The following TMEM259 variants were observed in gnomAD, a reference collection of about 807,000 sequenced individuals.
TMEM259 encodes the protein transmembrane protein 259, also known as membralin.
In TMEM259, 26 loss-of-function variants were observed where a neutral mutation model predicts 46.7. That is an observed-to-expected ratio of 0.56 (90% CI 0.41 to 0.77). The LOEUF is 0.77. Among genes scored for constraint, TMEM259 ranks in the 30% least tolerant of loss-of-function variants. The probability of loss-of-function intolerance (pLI) is 0.00; values close to 1 mark genes in which losing one functional copy is unlikely to be tolerated. For missense variants in TMEM259, 930 were observed against 900.5 expected, an observed-to-expected ratio of 1.03 and a Z score of -0.42; for synonymous variants, 494 against 395.1, an observed-to-expected ratio of 1.25 and a Z score of -2.97.
chr19:1,012,382 T>C (rs2240163), intron 4 of TMEM259, 81 bp downstream of exon 4: 874,265 of 1,517,574 alleles, frequency 0.58, 254,652 homozygotes, highest in African/African-American at 0.69. Flanking sequence ...CAGCCCCCCG[T>C]CCCGCACCAG....
intron 1 of TMEM259, among the ~76,000 whole-genome samples, chr19:1,019,944 G>T (rs930256082): frequency 6.6e-6 from 1 of 152,184 alleles, no homozygotes; most frequent in South Asian, 2.1e-4. Context: ...GAGGGAGTCA[G>T]GCCGATGCCT....
rs1406319880 is a variant in TMEM259, at chr19:1,010,905, GGAGA to G, written c.1318-14_1318-11del. Reference sequence around the variant, plus strand: ...AGTAGATCATGGAATGCTGCGGGAGGGAGAGTGGGAGTCAGGACGGGCCCGCCCC... The same window carrying G: ...AGTAGATCATGGAATGCTGCGGGAGGGTGGGAGTCAGGACGGGCCCGCCCC... On this transcript the variant is annotated splice_polypyrimidine_tract_variant and intron_variant, in intron 10 of 10. Transcript: ENST00000356663. The G allele has an allele frequency of 6.3e-7, 1 of 1,588,396 alleles. No individual in the cohort carries two copies.
At chr19:1,011,333 C>T in intron 9 of TMEM259, 34 bp downstream of exon 9, 2 of 1,555,132 alleles carry the variant, frequency 1.3e-6, no homozygotes, top group Non-Finnish European at 1.7e-6. Context: ...TGCCCACCAG[C>T]ACCCACTCCA....
At chr19:1,015,303 T>G (rs930119094) in intron 1 of TMEM259, among the ~76,000 whole-genome samples, 1 of 152,272 alleles carries the variant, frequency 6.6e-6, no homozygotes, top group Non-Finnish European at 1.5e-5. Flanking sequence ...CATCTGTGGT[T>G]GTCACAATTG....
Position 1,021,115 on chromosome 19 carries a change from C to G in TMEM259, c.-119G>C. On this transcript the variant is annotated 5_prime_UTR_variant, in exon 1 of 11. Coordinates refer to ENST00000356663, the MANE Select transcript of TMEM259 (RefSeq NM_001033026.2). ...CCTCCCGGCCGCCGCCGCCATCTTC[C>G]GCTTTCTCGTCCGGCTGCGGCGCTG... 8.9e-7 allele frequency: 1 copy of G among 1,128,418 alleles called. No individual in the cohort carries two copies. The highest frequency in any genetic ancestry group is 1.1e-6 in the Non-Finnish European group (1 of 895,818). 69.9% of individuals were successfully genotyped at this position (1,128,418 alleles called of 1,614,324 possible).
At chr19:1,013,209 G>T in intron 3 of TMEM259, 32 bp downstream of exon 3, 1 of 1,592,130 alleles carries the variant, frequency 6.3e-7, no homozygotes, top group Non-Finnish European at 8.6e-7. Context: ...AGGCAACCCC[G>T]TGAGGCAGTA....
In TMEM259 at chr19:1,010,200, G is replaced by T; in HGVS notation, c.*150C>A. ...ACCTCACACCAGGGGGAGGAAAGCC[G>T]CCTTCCGGGCAAACCCCACGAAACC... On this transcript the variant is annotated 3_prime_UTR_variant, in exon 11 of 11. Transcript: ENST00000356663. 1.3e-6 allele frequency: 1 copy of T among 740,990 alleles called. No individual in the cohort carries two copies. The highest frequency in any genetic ancestry group is 2.0e-6 in the Non-Finnish European group (1 of 494,964). The allele number at this position is 740,990 out of a possible 1,614,324, so 45.9% of individuals were successfully genotyped here.
intron 1 of TMEM259, among the ~76,000 whole-genome samples, chr19:1,016,182 C>G (rs764087464): frequency 1.0e-4 from 15 of 150,402 alleles, no homozygotes; most frequent in African/African-American, 3.2e-4. Flanking sequence ...CCACAGACGC[C>G]GGAGCTACAA....
In TMEM259 at chr19:1,010,179, C is replaced by T. The variant is rs2038852819; in HGVS notation, c.*171G>A. ...CGGGTACAAGCCTCGGGCGCGACCT[C>T]ACACCAGGGGGAGGAAAGCCGCCTT... On this transcript the variant is annotated 3_prime_UTR_variant, in exon 11 of 11. Coordinates refer to ENST00000356663, the MANE Select transcript of TMEM259 (RefSeq NM_001033026.2). 1.6e-6 allele frequency: 1 copy of T among 620,062 alleles called. No individual in the cohort carries two copies. The highest frequency in any genetic ancestry group is 2.5e-5 in the South Asian group (1 of 40,054). The allele number at this position is 620,062 out of a possible 1,614,324, so 38.4% of individuals were successfully genotyped here.
In TMEM259 at chr19:1,011,834, G is replaced by T. The variant is rs368276870; in HGVS notation, c.943-36C>A. ...CGCGCAGGAAGCGCTATGAGGGGCT[G>T]CGAGGGCCTGCTTGGCTCCCGCCCG... On this transcript the variant is annotated intron_variant, in intron 6 of 10. Transcript: ENST00000356663. 3,029 of 1,588,550 alleles carry T rather than the reference G, an allele frequency of 1.9e-3. 6 individuals are homozygous for T. Among genetic ancestry groups the T allele is most frequent in the Non-Finnish European group, 2.4e-3 (2,854 of 1,165,966 alleles).
intron 1 of TMEM259, among the ~76,000 whole-genome samples, chr19:1,018,324 C>T: frequency 6.6e-6 from 1 of 152,200 alleles, no homozygotes; most frequent in Non-Finnish European, 1.5e-5. Flanking sequence ...CTAAAGCCAC[C>T]CAGGCATGGA....
At chr19:1,012,377 C>T (rs2038963951) in intron 4 of TMEM259, 86 bp downstream of exon 4, 5 of 1,515,962 alleles carry the variant, frequency 3.3e-6, no homozygotes, top group Non-Finnish European at 4.4e-6. Flanking sequence ...CTGCACAGCC[C>T]CCCGTCCCGC....
chr19:1,018,197 G>T (rs1167372805), intron 1 of TMEM259, among the ~76,000 whole-genome samples: 1 of 152,168 alleles, frequency 6.6e-6, no homozygotes, highest in Non-Finnish European at 1.5e-5. Context: ...TGGGCTCAGG[G>T]CCATGAAGGC....
At position 1,011,468 on chromosome 19, in the gene TMEM259, G is replaced by A. The variant is rs371140781; in HGVS notation, c.1116C>T (p.Asn372=). 113 of 1,548,714 alleles carry A rather than the reference G, an allele frequency of 7.3e-5. No homozygotes were observed. The highest frequency in any genetic ancestry group is 1.1e-4 in the African/African-American group (8 of 72,636). ...TGATGTAGAAGGCGGTGGTGGTGTC[G>A]TTGAAGAACTCCGACATGATGGCCT... is the stretch of plus-strand genomic sequence containing the variant. The part of the protein sequence containing the change: ...GMEAIMSEFF[N]DTTTAFYIIL... The change falls in exon 9 of 11, where the codon AAC becomes AAT. Residue 372 remains asparagine (N), a synonymous_variant. Coordinates refer to ENST00000356663, the MANE Select transcript of TMEM259 (RefSeq NM_001033026.2).
Position 1,020,768 on chromosome 19 carries a change from T to C in TMEM259, c.225+4A>G. 7.6e-7 allele frequency: 1 copy of C among 1,319,854 alleles called. No individual in the cohort carries two copies. The highest frequency in any genetic ancestry group is 9.7e-7 in the Non-Finnish European group (1 of 1,028,040). The allele number at this position is 1,319,854 out of a possible 1,614,324, so 81.8% of individuals were successfully genotyped here. On this transcript the variant is annotated splice_donor_region_variant and intron_variant, in intron 1 of 10. Coordinates refer to ENST00000356663, the MANE Select transcript of TMEM259 (RefSeq NM_001033026.2). The surrounding 1 kb of genome is among the most constrained non-coding windows in gnomAD (Gnocchi z 4.0). Reference sequence around the variant, plus strand: ...CAAGGGTCGGGGGTCGGGGCCGCGGTCACCTTGAGCAGCACGAAGAACTCG... The same window carrying C: ...CAAGGGTCGGGGGTCGGGGCCGCGGCCACCTTGAGCAGCACGAAGAACTCG...
intron 1 of TMEM259, among the ~76,000 whole-genome samples, chr19:1,019,592 G>A (rs1373012407): frequency 6.6e-6 from 1 of 152,182 alleles, no homozygotes; most frequent in Non-Finnish European, 1.5e-5. Flanking sequence ...AGTGGCAGCA[G>A]GCTGGGACCC....
chr19:1,021,089 G>A lies in TMEM259; in HGVS notation c.-93C>T. 3 of 1,207,228 alleles carry A rather than the reference G, an allele frequency of 2.5e-6. No homozygotes were observed. Among genetic ancestry groups the A allele is most frequent in the Admixed American group, 9.1e-5 (2 of 22,018 alleles). The allele number at this position is 1,207,228 out of a possible 1,614,324, so 74.8% of individuals were successfully genotyped here. Reference sequence around the variant, plus strand: ...CCTCGCAGCCGCCGCTCTCCTCACGGCCTCCCGGCCGCCGCCGCCATCTTC... The same window carrying A: ...CCTCGCAGCCGCCGCTCTCCTCACGACCTCCCGGCCGCCGCCGCCATCTTC... On this transcript the variant is annotated 5_prime_UTR_variant, in exon 1 of 11. Transcript: ENST00000356663.
At chr19:1,019,861 C>T (rs986841706) in intron 1 of TMEM259, among the ~76,000 whole-genome samples, 2 of 152,226 alleles carry the variant, frequency 1.3e-5, no homozygotes, top group Admixed American at 1.3e-4. Flanking sequence ...CCCAGGACCC[C>T]GGCCAGCTTG....
rs1475541357 is a variant in TMEM259, at chr19:1,020,732, G to A, written c.225+40C>T. 7.9e-7 allele frequency: 1 copy of A among 1,272,384 alleles called. No individual in the cohort carries two copies. Among genetic ancestry groups the A allele is most frequent in the Non-Finnish European group, 1.0e-6 (1 of 1,000,006 alleles). The allele number at this position is 1,272,384 out of a possible 1,614,324, so 78.8% of individuals were successfully genotyped here. A position where few individuals can be genotyped will look rare whatever the true frequency, so the allele number is the denominator to read the frequency against. On this transcript the variant is annotated intron_variant, in intron 1 of 10. Coordinates refer to ENST00000356663, the MANE Select transcript of TMEM259 (RefSeq NM_001033026.2). The surrounding 1 kb of genome is among the most constrained non-coding windows in gnomAD (Gnocchi z 4.0). The stretch of plus-strand genomic sequence containing the variant: ...GGTAGCAGACTTGGGGGTCGGGACA[G>A]CCGCTGGGGTCAAGGGTCGGGGGTC...
Sources: gnomAD v4.1 joint callset for allele counts (sites outside exome capture counted in the v4.1 genomes callset) on GRCh38, gnomAD v4.1.1 for gene constraint, Gnocchi (gnomAD v3.1) non-coding constraint, MANE v1.5 for transcripts, NCBI Gene and HGNC (gene_info 2026-07-23, HGNC 2026-07-21) for gene names.